XYLT1: variants seen among roughly 807,000 people sequenced by gnomAD.
XYLT1 encodes the protein beta-D-xylosyltransferase 1.
In XYLT1, 36 loss-of-function variants were observed where a neutral mutation model predicts 91.3. The ratio of observed to expected loss-of-function variants is 0.39; its 90% confidence interval spans 0.30 to 0.52. XYLT1 has a LOEUF of 0.52. Ranked by LOEUF, XYLT1 falls within the 20% of genes least tolerant of loss-of-function variation. XYLT1 has a pLI of 0.68. For missense variants in XYLT1, 1,242 were observed against 1,284.5 expected (o/e 0.97, Z 0.51); for synonymous variants, 588 against 532.0 (o/e 1.11, Z -1.45).
Position 17,342,406 on chromosome 16 carries a change from G to A in XYLT1, c.402+15606C>T, listed in dbSNP as rs532270227. Among the ~76,000 whole-genome samples, 205 of 152,150 alleles carry A rather than the reference G, an allele frequency of 1.3e-3. 1 individual carries two copies. The highest frequency in any genetic ancestry group is 4.7e-3 in the African/African-American group (197 of 41,502). ...TGCTTTGCTCTCCCATGCTCTCATC[G>A]CCATCTGACATGACATATCAACATG... On this transcript the variant is annotated intron_variant, in intron 2 of 11. Transcript: ENST00000261381.
At chr16:17,228,088 G>C (rs756644781) in intron 3 of XYLT1, 5 of 152,244 alleles carry the variant, frequency 3.3e-5, no homozygotes, top group Non-Finnish European at 7.3e-5. Flanking sequence ...ACCCAGACCA[G>C]TGATGAGGAA....
intron 1 of XYLT1, among the ~76,000 whole-genome samples, chr16:17,399,741 G>A (rs2035939974): frequency 1.3e-5 from 2 of 152,176 alleles, no homozygotes; most frequent in Admixed American, 6.5e-5. Context: ...AACAGGAGCA[G>A]TTTAATCACT....
intron 1 of XYLT1, among the ~76,000 whole-genome samples, chr16:17,460,331 G>T (rs919372575): frequency 6.6e-6 from 1 of 152,172 alleles, no homozygotes; most frequent in Non-Finnish European, 1.5e-5. Context: ...TTATCAAATT[G>T]CGGAATGCAT....
chr16:17,243,734 T>C (rs2141737517), intron 3 of XYLT1, among the ~76,000 whole-genome samples: 1 of 152,258 alleles, frequency 6.6e-6, no homozygotes, highest in East Asian at 1.9e-4. Context: ...AGGTGTCTCA[T>C]TATGGACTCT....
chr16:17,183,837 T>A (rs2032121771), intron 5 of XYLT1, among the ~76,000 whole-genome samples: 1 of 152,096 alleles, frequency 6.6e-6, no homozygotes, highest in Non-Finnish European at 1.5e-5. Flanking sequence ...ATAAGAATAA[T>A]CCACAGAGTC....
chr16:17,342,875 A>T (rs1374481163), intron 2 of XYLT1, among the ~76,000 whole-genome samples: 1 of 152,236 alleles, frequency 6.6e-6, no homozygotes, highest in Non-Finnish European at 1.5e-5. Flanking sequence ...GAATACACTG[A>T]TCAATATTAT....
At chr16:17,378,350 T>C (rs112088550) in intron 1 of XYLT1, among the ~76,000 whole-genome samples, 7 of 152,240 alleles carry the variant, frequency 4.6e-5, no homozygotes, top group South Asian at 2.1e-4. Context: ...TTTTAAATAA[T>C]ATACACTGTC....
Position 17,103,797 on chromosome 16 carries a change from G to A in XYLT1, c.*4898C>T, listed in dbSNP as rs1472427. 0.05 allele frequency: 7,660 copies of A among 152,216 alleles called. 626 individuals are homozygous for A. Among genetic ancestry groups the A allele is most frequent in the African/African-American group, 0.18 (7,313 of 41,458 alleles). The allele number at this position is 152,216 out of a possible 1,614,324, so 9.4% of individuals were successfully genotyped here. On this transcript the variant is annotated 3_prime_UTR_variant, in exon 12 of 12. Transcript: ENST00000261381. ...GAGAGGTCACTTTCTCCCTGCATACGCCTGGTAAGACCAGAGCCAAAGACA... is the reference window on the plus strand; with the variant it reads ...GAGAGGTCACTTTCTCCCTGCATACACCTGGTAAGACCAGAGCCAAAGACA...
At chr16:17,467,913 C>T (rs1227633862) in intron 1 of XYLT1, among the ~76,000 whole-genome samples, 1 of 152,132 alleles carries the variant, frequency 6.6e-6, no homozygotes, top group Non-Finnish European at 1.5e-5. Context: ...TGTCTAACCA[C>T]CTCTCTACAA....
intron 1 of XYLT1, among the ~76,000 whole-genome samples, chr16:17,370,956 G>A (rs1217377375): frequency 6.6e-6 from 1 of 152,186 alleles, no homozygotes; most frequent in Non-Finnish European, 1.5e-5. Context: ...ACGGCTGCCA[G>A]TGTGGCTGCT....
At chr16:17,191,834 C>T (rs1460801719) in intron 5 of XYLT1, among the ~76,000 whole-genome samples, 1 of 152,148 alleles carries the variant, frequency 6.6e-6, no homozygotes, top group Non-Finnish European at 1.5e-5. Flanking sequence ...TGTGGTGGGC[C>T]CTGATAGTTT....
chr16:17,274,595 T>C (rs1275840465), intron 2 of XYLT1, among the ~76,000 whole-genome samples: 2 of 151,800 alleles, frequency 1.3e-5, no homozygotes, highest in African/African-American at 4.8e-5. Context: ...GGGATGGGTG[T>C]GCTCAGGATT....
At chr16:17,456,373 G>A (rs868349378) in intron 1 of XYLT1, among the ~76,000 whole-genome samples, 5 of 137,524 alleles carry the variant, frequency 3.6e-5, no homozygotes, top group Non-Finnish European at 4.6e-5. Context: ...GATCTTGCTC[G>A]GTCACCCAGG....
intron 1 of XYLT1, among the ~76,000 whole-genome samples, chr16:17,374,894 T>C (rs1318926255): frequency 6.6e-6 from 1 of 152,194 alleles, no homozygotes; most frequent in Non-Finnish European, 1.5e-5. Context: ...TACTCACACC[T>C]ACAATGTGCT....
intron 3 of XYLT1, among the ~76,000 whole-genome samples, chr16:17,203,066 C>T (rs1019497166): frequency 6.6e-6 from 1 of 152,178 alleles, no homozygotes; most frequent in Non-Finnish European, 1.5e-5. Flanking sequence ...CAAGGTCACA[C>T]TGCTTTAATT....
chr16:17,453,376 A>G (rs1279626917), intron 1 of XYLT1, among the ~76,000 whole-genome samples: 1 of 152,186 alleles, frequency 6.6e-6, no homozygotes, highest in South Asian at 2.1e-4. Flanking sequence ...CCCAGAAAGA[A>G]TATTAAGTCA....
Position 17,470,609 on chromosome 16 carries a change from G to A in XYLT1, c.188C>T (p.Pro63Leu). 8.9e-7 allele frequency: 1 copy of A among 1,124,034 alleles called. No homozygotes were observed. Among genetic ancestry groups the A allele is most frequent in the Non-Finnish European group, 1.1e-6 (1 of 921,008 alleles). The allele number at this position is 1,124,034 out of a possible 1,614,324, so 69.6% of individuals were successfully genotyped here. Residue 63 changes from proline (P) to leucine (L), a missense_variant, in exon 1 of 12, where the codon CCG (proline) becomes CTG (leucine). Coordinates refer to ENST00000261381, the MANE Select transcript of XYLT1 (RefSeq NM_022166.4). ...GGEQPPPAPA[P>L]RRERRDLPAE... ...GGGCAGGTCCCGGCGCTCCCGGCGC[G>A]GGGCCGGGGCCGGGGGCGGCTGCTC...
intron 2 of XYLT1, among the ~76,000 whole-genome samples, chr16:17,309,671 C>T (rs931652644): frequency 6.6e-6 from 1 of 152,212 alleles, no homozygotes; most frequent in Non-Finnish European, 1.5e-5. Context: ...CCTTAAACAT[C>T]CACAACCCTG....
chr16:17,392,269 A>G (rs1374486632), intron 1 of XYLT1, among the ~76,000 whole-genome samples: 2 of 152,094 alleles, frequency 1.3e-5, no homozygotes, highest in Non-Finnish European at 2.9e-5. Flanking sequence ...GGTTTCTAGA[A>G]CATTCCATTC....
Sources: allele counts gnomAD v4.1 joint callset (sites outside exome capture counted in the v4.1 genomes callset), GRCh38; gene constraint gnomAD v4.1.1; transcripts MANE v1.5; gene names NCBI Gene and HGNC (gene_info 2026-07-23, HGNC 2026-07-21).